The following ERBB4 variants were observed in gnomAD, a reference collection of about 807,000 sequenced individuals.
The protein encoded by ERBB4 is erb-b2 receptor tyrosine kinase 4.
ERBB4 carries 42 observed loss-of-function variants against 158.0 expected under a neutral mutation model. That is an observed-to-expected ratio of 0.27 (90% confidence interval 0.21 to 0.34). The LOEUF (loss-of-function observed/expected upper bound fraction) is 0.34. ERBB4 is among the 10% of genes least tolerant of loss of function. The probability of loss-of-function intolerance (pLI) is 1.00; values close to 1 mark genes in which losing one functional copy is unlikely to be tolerated. For missense variants in ERBB4, 1,333 were observed against 1,624.1 expected (o/e 0.82, Z 3.08); for synonymous variants, 583 against 558.7 (o/e 1.04, Z -0.61).
chr2:211,538,081 G>T (rs530407638), intron 20 of ERBB4, among the ~76,000 whole-genome samples: 3 of 145,412 alleles, frequency 2.1e-5, no homozygotes, highest in South Asian at 4.1e-4. Flanking sequence ...ATTGCTTATT[G>T]TTTACTTTAA....
At chr2:212,216,338 C>T (rs889438403) in intron 1 of ERBB4, among the ~76,000 whole-genome samples, 1 of 151,292 alleles carries the variant, frequency 6.6e-6, no homozygotes, top group Non-Finnish European at 1.5e-5. Flanking sequence ...AATATACACA[C>T]AGTAAATCTA....
chr2:211,802,017 T>C (rs2076509009), intron 3 of ERBB4, among the ~76,000 whole-genome samples: 1 of 152,100 alleles, frequency 6.6e-6, no homozygotes, highest in Admixed American at 6.6e-5. Context: ...CCCTGCACTT[T>C]GGGAGGCCGA....
At chr2:211,790,043 T>C (rs571368777) in intron 3 of ERBB4, among the ~76,000 whole-genome samples, 24 of 152,202 alleles carry the variant, frequency 1.6e-4, no homozygotes, top group Admixed American at 5.2e-4. Flanking sequence ...ACCCAGTTCA[T>C]TATTTTTTAT....
intron 1 of ERBB4, among the ~76,000 whole-genome samples, chr2:212,468,964 T>C (rs751965187): frequency 6.6e-5 from 10 of 152,208 alleles, no homozygotes; most frequent in Non-Finnish European, 1.2e-4. Flanking sequence ...TCTGTATCAG[T>C]AGGCCATTGT....
chr2:212,057,539 T>G (rs183192133), intron 2 of ERBB4, among the ~76,000 whole-genome samples: 93 of 152,248 alleles, frequency 6.1e-4, no homozygotes, highest in African/African-American at 2.0e-3. Context: ...AGTAAAGCAC[T>G]CCTCAGCAAA....
chr2:212,175,251 T>C (rs2081627444), intron 1 of ERBB4, among the ~76,000 whole-genome samples: 3 of 152,078 alleles, frequency 2.0e-5, no homozygotes, highest in African/African-American at 7.2e-5. Flanking sequence ...AAGCAGGCAA[T>C]AAATGTTGAA....
chr2:211,782,318 CT>C (rs2076056270), intron 4 of ERBB4, among the ~76,000 whole-genome samples: 1 of 152,152 alleles, frequency 6.6e-6, no homozygotes, highest in Admixed American at 6.5e-5. Flanking sequence ...GAAGTTGATG[CT>C]TTTTCTGGTT....
At chr2:211,625,598 C>T (rs2069812123) in intron 17 of ERBB4, among the ~76,000 whole-genome samples, 1 of 152,124 alleles carries the variant, frequency 6.6e-6, no homozygotes, top group East Asian at 1.9e-4. Flanking sequence ...ATTCAAGTCA[C>T]ATTTTAAAAA....
At chr2:211,999,525 G>T (rs1277534992) in intron 2 of ERBB4, among the ~76,000 whole-genome samples, 3 of 151,788 alleles carry the variant, frequency 2.0e-5, no homozygotes, top group Admixed American at 1.3e-4. Flanking sequence ...CAGATGCCTT[G>T]AACTAAGAAT....
intron 1 of ERBB4, among the ~76,000 whole-genome samples, chr2:212,487,238 G>A (rs930577451): frequency 5.9e-5 from 9 of 152,008 alleles, no homozygotes; most frequent in African/African-American, 1.7e-4. Flanking sequence ...GTTTAAAGCT[G>A]TAATTCAGTA....
intron 20 of ERBB4, among the ~76,000 whole-genome samples, chr2:211,521,096 G>T (rs1187993475): frequency 6.6e-6 from 1 of 151,516 alleles, no homozygotes; most frequent in Non-Finnish European, 1.5e-5. Flanking sequence ...TGGAAGAGTT[G>T]CAAGTCTCTC....
At chr2:211,937,597 A>T (rs114606272) in intron 3 of ERBB4, among the ~76,000 whole-genome samples, 2,530 of 152,252 alleles carry the variant, frequency 0.017, 86 homozygotes, top group African/African-American at 0.058. Flanking sequence ...TGAAACTCAC[A>T]ATCATGGGAG....
intron 3 of ERBB4, among the ~76,000 whole-genome samples, chr2:211,913,498 G>C (rs1319962302): frequency 6.6e-6 from 1 of 152,034 alleles, no homozygotes; most frequent in Non-Finnish European, 1.5e-5. Flanking sequence ...CTACATAGGA[G>C]GCTGAAGCAG....
chr2:211,438,965 C>A (rs1233394293), intron 20 of ERBB4, among the ~76,000 whole-genome samples: 3 of 150,376 alleles, frequency 2.0e-5, no homozygotes, highest in Admixed American at 2.0e-4. Context: ...TTATTTTTCA[C>A]AGATAGTCCC....
chr2:212,406,567 C>G (rs1270502088), intron 1 of ERBB4, among the ~76,000 whole-genome samples: 1 of 151,998 alleles, frequency 6.6e-6, no homozygotes, highest in Non-Finnish European at 1.5e-5. Context: ...ATTATAAGGA[C>G]TAAATGATTT....
At chr2:211,770,845 G>A (rs780327053) in intron 4 of ERBB4, among the ~76,000 whole-genome samples, 4 of 152,148 alleles carry the variant, frequency 2.6e-5, no homozygotes, top group Non-Finnish European at 5.9e-5. Flanking sequence ...GGCCCAGGAG[G>A]TCACAGGCAT....
chr2:211,821,950 G>T (rs2077005486), intron 3 of ERBB4, among the ~76,000 whole-genome samples: 1 of 151,868 alleles, frequency 6.6e-6, no homozygotes. Flanking sequence ...TTTGGGAAAA[G>T]ATTTTATGAA....
At chr2:211,623,813 T>G (rs546908426) in intron 18 of ERBB4, 109 bp downstream of exon 18, 1 of 1,077,292 alleles carries the variant, frequency 9.3e-7, no homozygotes, top group East Asian at 2.5e-5. Flanking sequence ...TCTTCCTTTC[T>G]GAATATTATA....
chr2:212,407,638 T>G (rs1464466611), intron 1 of ERBB4, among the ~76,000 whole-genome samples: 2 of 152,110 alleles, frequency 1.3e-5, no homozygotes, highest in Admixed American at 6.6e-5. Context: ...AATATATATA[T>G]GTATATATGC....
Sources: allele counts gnomAD v4.1 joint callset (sites outside exome capture counted in the v4.1 genomes callset), GRCh38; gene constraint gnomAD v4.1.1; transcripts MANE v1.5; gene names NCBI Gene and HGNC (gene_info 2026-07-23, HGNC 2026-07-21).